NBPF8: variants seen among roughly 807,000 people sequenced by gnomAD.
NBPF8 encodes the protein NBPF family member NBPF8.
chr1:120,417,805 T>C (rs1660470944), upstream of NBPF8, among the ~76,000 whole-genome samples: 1 of 146,306 alleles, frequency 6.8e-6, no homozygotes. Flanking sequence ...TTCAACATGT[T>C]TCCCAGGTTG....
At chr1:120,445,878 A>G in exon 8 of NBPF8, 1 of 485,028 alleles carries the variant, frequency 2.1e-6, no homozygotes, top group Non-Finnish European at 3.6e-6. Context: ...GACGCAGTTA[A>G]AGGAGAAGTT....
chr1:120,419,081 TAA>T (rs1660501966), upstream of NBPF8, among the ~76,000 whole-genome samples: 1 of 152,104 alleles, frequency 6.6e-6, no homozygotes, highest in Non-Finnish European at 1.5e-5. Flanking sequence ...AAATATTTGT[TAA>T]ATGAATGAAT....
chr1:120,429,567 G>A (rs1281248550), intron 3 of NBPF8, among the ~76,000 whole-genome samples: 1 of 151,988 alleles, frequency 6.6e-6, no homozygotes, highest in African/African-American at 2.4e-5. Context: ...GAGAGGCAGG[G>A]ACATGTGGTG....
intron 3 of NBPF8, among the ~76,000 whole-genome samples, chr1:120,428,663 C>G (rs1660787833): frequency 3.3e-5 from 5 of 152,194 alleles, no homozygotes; most frequent in Admixed American, 2.6e-4. Context: ...TGATGCTGCC[C>G]CTGACTCTGG....
rs1470112367 is a variant in NBPF8 at position 120,428,660 on chromosome 1, G to T, written n.510+813G>T. On this transcript the variant is annotated intron_variant and non_coding_transcript_variant, in intron 3 of 28. Transcript: ENST00000652355. ...TGAGCAGCCGACAGTGGCTGATGCT[G>T]CCCCTGACTCTGGGGCCATGCGGTC... 1.3e-4 allele frequency among the ~76,000 whole-genome samples: 20 copies of T among 152,246 alleles called. No homozygotes were observed. The East Asian group carries it at 3.3e-3, about 25-fold the overall frequency.
chr1:120,428,950 A>T (rs1660794305), intron 3 of NBPF8, among the ~76,000 whole-genome samples: 2 of 149,236 alleles, frequency 1.3e-5, no homozygotes, highest in African/African-American at 5.0e-5. Flanking sequence ...AGACTTGGGG[A>T]TATTAGTGTC....
intron 1 of NBPF8, among the ~76,000 whole-genome samples, chr1:120,420,675 C>A (rs1660548774): frequency 6.9e-6 from 1 of 145,646 alleles, no homozygotes; most frequent in South Asian, 2.1e-4. Context: ...AGGCCGTTCC[C>A]ATCTCCCATT....
chr1:120,456,252 G>T (rs1418857690), intron 16 of NBPF8, among the ~76,000 whole-genome samples: 1 of 151,206 alleles, frequency 6.6e-6, no homozygotes, highest in Non-Finnish European at 1.5e-5. Flanking sequence ...TTGATTTGGG[G>T]TGGAGGGTTC....
intron 1 of NBPF8, among the ~76,000 whole-genome samples, chr1:120,424,480 C>G (rs1301248689): frequency 3.3e-5 from 5 of 152,032 alleles, no homozygotes. Flanking sequence ...GGAGTTATTT[C>G]TCTTTTCCTT....
At chr1:120,452,801 G>T (rs1451522365) in intron 13 of NBPF8, among the ~76,000 whole-genome samples, 2 of 152,176 alleles carry the variant, frequency 1.3e-5, no homozygotes, top group Non-Finnish European at 1.5e-5. Flanking sequence ...ACTTACAACT[G>T]CTTTCCAAAA....
upstream of NBPF8, among the ~76,000 whole-genome samples, chr1:120,435,666 C>A (rs1245795451): frequency 6.7e-6 from 1 of 150,298 alleles, no homozygotes; most frequent in African/African-American, 2.5e-5. Flanking sequence ...CACAGTGAAA[C>A]CCCGTCTCTA....
exon 18 of NBPF8, chr1:120,460,579 G>A (rs1661553441): frequency 1.8e-5 from 26 of 1,442,978 alleles, no homozygotes; most frequent in East Asian, 4.5e-5. Flanking sequence ...GCAGGACATC[G>A]GTGGGATCAA....
At chr1:120,451,814 C>T (rs1299646528) in intron 12 of NBPF8, among the ~76,000 whole-genome samples, 71 of 149,970 alleles carry the variant, frequency 4.7e-4, no homozygotes, top group Non-Finnish European at 8.7e-4. Context: ...TGTCCATGGC[C>T]AGAGTGAGGA....
At chr1:120,433,435 A>G (rs1660943788), upstream of NBPF8, 1 of 152,670 alleles carries the variant, frequency 6.6e-6, no homozygotes, top group Non-Finnish European at 1.5e-5. Flanking sequence ...TTTTATTCAT[A>G]AAAAATCCAT....
intron 3 of NBPF8, among the ~76,000 whole-genome samples, chr1:120,430,752 CAAAAAAA>C (rs1160946903): frequency 2.4e-4 from 10 of 41,274 alleles, no homozygotes; most frequent in African/African-American, 7.8e-4. Flanking sequence ...GACTCTGTCT[CAAAAAAA>C]AAAAAAAAAA....
Position 120,443,061 on chromosome 1 carries a change from T to C in NBPF8, n.1158+11T>C, listed in dbSNP as rs1553248164. 6.5e-4 allele frequency: 165 copies of C among 255,166 alleles called. 11 individuals are homozygous for C. The highest frequency in any genetic ancestry group is 3.3e-3 in the South Asian group (112 of 33,676). 15.8% of individuals were successfully genotyped at this position (255,166 alleles called of 1,614,324 possible). On this transcript the variant is annotated intron_variant and non_coding_transcript_variant, in intron 6 of 24. Transcript: ENST00000583271. Reference sequence around the variant, plus strand: ...GACAGAAGAAATACAGTAAGATCTATAGGCTCACCGTCATGAAAGTGATGA... The same window carrying C: ...GACAGAAGAAATACAGTAAGATCTACAGGCTCACCGTCATGAAAGTGATGA...
chr1:120,434,364 C>T (rs1553247484), upstream of NBPF8, among the ~76,000 whole-genome samples: 3 of 142,590 alleles, frequency 2.1e-5, no homozygotes, highest in Non-Finnish European at 3.0e-5. Context: ...ATTATATATA[C>T]GTGTATACAG....
intron 1 of NBPF8, among the ~76,000 whole-genome samples, chr1:120,420,899 G>A (rs1660556664): frequency 6.8e-6 from 1 of 146,900 alleles, no homozygotes; most frequent in South Asian, 2.2e-4. Flanking sequence ...GAAAGAAAGG[G>A]GCATGGCCTG....
At chr1:120,428,677 C>A (rs1303726800) in intron 3 of NBPF8, among the ~76,000 whole-genome samples, 1 of 152,030 alleles carries the variant, frequency 6.6e-6, no homozygotes, top group Non-Finnish European at 1.5e-5. Flanking sequence ...ACTCTGGGGC[C>A]ATGCGGTCTG....
Sources: allele counts gnomAD v4.1 joint callset (sites outside exome capture counted in the v4.1 genomes callset), GRCh38; gene constraint gnomAD v4.1.1; transcripts MANE v1.5; gene names NCBI Gene and HGNC (gene_info 2026-07-23, HGNC 2026-07-21).